The following PRKG1 variants were observed in gnomAD, a reference collection of about 807,000 sequenced individuals.
PRKG1 encodes the protein protein kinase cGMP-dependent 1, also known as cGMP-dependent protein kinase 1.
In PRKG1, 35 loss-of-function variants were observed where a neutral mutation model predicts 88.1. The observed-to-expected ratio is 0.40, with a 90% CI of 0.30 to 0.53. The LOEUF (loss-of-function observed/expected upper bound fraction) is 0.53, where lower values mean the gene tolerates loss of function less well. PRKG1 is among the 20% of genes least tolerant of loss of function. PRKG1 has a pLI of 0.59. For missense variants in PRKG1, 540 were observed against 839.8 expected, an observed-to-expected ratio of 0.64 and a Z score of 4.41; for synonymous variants, 303 against 292.5, an observed-to-expected ratio of 1.04 and a Z score of -0.37.
intron 1 of PRKG1, among the ~76,000 whole-genome samples, chr10:51,000,310 A>G (rs1842875612): frequency 6.6e-6 from 1 of 152,222 alleles, no homozygotes; most frequent in South Asian, 2.1e-4. Flanking sequence ...TGGGAAGATT[A>G]CAAATACATG....
intron 3 of PRKG1, among the ~76,000 whole-genome samples, chr10:51,758,462 G>A (rs970598095): frequency 2.6e-5 from 4 of 152,160 alleles, no homozygotes; most frequent in Non-Finnish European, 4.4e-5. Flanking sequence ...AGTCTAAGAT[G>A]GGATTGAGCA....
At chr10:51,931,765 A>G (rs1564714161) in intron 5 of PRKG1, among the ~76,000 whole-genome samples, 1 of 152,216 alleles carries the variant, frequency 6.6e-6, no homozygotes, top group Non-Finnish European at 1.5e-5. Context: ...ATGATCAACC[A>G]TAGTAAATAA....
At chr10:51,136,640 A>C (rs80281008) in intron 1 of PRKG1, among the ~76,000 whole-genome samples, 2,411 of 151,204 alleles carry the variant, frequency 0.016, 67 homozygotes, top group African/African-American at 0.056. Flanking sequence ...AATACAGGAG[A>C]TATATGGAAA....
At chr10:52,134,193 C>T (rs1239040468) in intron 8 of PRKG1, among the ~76,000 whole-genome samples, 3 of 152,108 alleles carry the variant, frequency 2.0e-5, no homozygotes, top group Non-Finnish European at 4.4e-5. Flanking sequence ...TTAATGAGAA[C>T]ATTTGAGTAA....
At chr10:51,312,313 G>A (rs1285107410) in intron 2 of PRKG1, among the ~76,000 whole-genome samples, 1 of 152,058 alleles carries the variant, frequency 6.6e-6, no homozygotes, top group Non-Finnish European at 1.5e-5. Flanking sequence ...AAAAATAGCT[G>A]GAAAATGAAA....
At chr10:52,038,456 T>C (rs529821200) in intron 5 of PRKG1, among the ~76,000 whole-genome samples, 2 of 150,680 alleles carry the variant, frequency 1.3e-5, no homozygotes, top group South Asian at 2.1e-4. Context: ...CACAGAGATA[T>C]AAGAGGTTGG....
chr10:52,183,124 C>A (rs2132733115), intron 9 of PRKG1, among the ~76,000 whole-genome samples: 1 of 152,322 alleles, frequency 6.6e-6, no homozygotes, highest in East Asian at 1.9e-4. Flanking sequence ...GAGACATCAA[C>A]CTCCATGGCC....
intron 2 of PRKG1, among the ~76,000 whole-genome samples, chr10:51,258,460 C>G (rs1010627713): frequency 2.0e-5 from 3 of 152,164 alleles, no homozygotes; most frequent in Non-Finnish European, 4.4e-5. Context: ...TGATTCAAAG[C>G]TTCTATTTCT....
chr10:52,241,289 G>A (rs1475815316), intron 9 of PRKG1, among the ~76,000 whole-genome samples: 2 of 152,136 alleles, frequency 1.3e-5, no homozygotes, highest in Non-Finnish European at 2.9e-5. Flanking sequence ...GGACGATTGA[G>A]TAGCAAAAAG....
At chr10:51,290,239 C>CA (rs1218713838) in intron 2 of PRKG1, among the ~76,000 whole-genome samples, 4 of 151,202 alleles carry the variant, frequency 2.6e-5, no homozygotes, top group East Asian at 1.9e-4. Flanking sequence ...GATGCTGTCT[C>CA]AAAAAACAAA....
At chr10:51,571,826 A>G (rs1205292927) in intron 3 of PRKG1, among the ~76,000 whole-genome samples, 1 of 151,886 alleles carries the variant, frequency 6.6e-6, no homozygotes, top group Non-Finnish European at 1.5e-5. Flanking sequence ...ATGATGTAAG[A>G]TAGATATATT....
At chr10:51,017,980 A>T (rs923255303) in intron 1 of PRKG1, among the ~76,000 whole-genome samples, 1 of 151,564 alleles carries the variant, frequency 6.6e-6, no homozygotes, top group African/African-American at 2.4e-5. Flanking sequence ...ACATTAAGCT[A>T]ATTATTATTA....
At chr10:51,145,025 T>A (rs78444233) in intron 1 of PRKG1, among the ~76,000 whole-genome samples, 12,944 of 98,478 alleles carry the variant, frequency 0.13, 594 homozygotes, top group Admixed American at 0.15. Flanking sequence ...TCAACAAGCA[T>A]CTTAACAGAA....
intron 4 of PRKG1, among the ~76,000 whole-genome samples, chr10:51,900,825 G>A (rs1175462434): frequency 2.6e-5 from 4 of 151,724 alleles, no homozygotes; most frequent in Admixed American, 6.6e-5. Flanking sequence ...TGGCTAACTC[G>A]GCTTGTAACT....
chr10:51,673,037 A>T (rs1840623184), intron 3 of PRKG1, among the ~76,000 whole-genome samples: 1 of 152,128 alleles, frequency 6.6e-6, no homozygotes, highest in South Asian at 2.1e-4. Flanking sequence ...CAAGACCTGG[A>T]CTGGTTCTTG....
chr10:51,163,709 G>A (rs1358867111), intron 2 of PRKG1, among the ~76,000 whole-genome samples: 3 of 152,142 alleles, frequency 2.0e-5, no homozygotes, highest in South Asian at 4.1e-4. Flanking sequence ...GCGCTTTTCC[G>A]ACGGGCTTAA....
intron 3 of PRKG1, among the ~76,000 whole-genome samples, chr10:51,734,454 G>T (rs1837211987): frequency 6.6e-6 from 1 of 151,772 alleles, no homozygotes; most frequent in African/African-American, 2.4e-5. Flanking sequence ...TATAATACCT[G>T]GCCCAAGAGC....
At chr10:52,293,370 C>G (rs928682720) in intron 17 of PRKG1, among the ~76,000 whole-genome samples, 19 of 151,644 alleles carry the variant, frequency 1.3e-4, no homozygotes, top group South Asian at 2.1e-4. Context: ...CCATCCCCAT[C>G]AAGCTACCAA....
intron 1 of PRKG1, among the ~76,000 whole-genome samples, chr10:51,130,390 TAA>T: frequency 6.6e-6 from 1 of 152,084 alleles, no homozygotes; most frequent in Non-Finnish European, 1.5e-5. Flanking sequence ...GCCTACACAA[TAA>T]AGAGAAACTT....
Sources: allele counts gnomAD v4.1 joint callset (sites outside exome capture counted in the v4.1 genomes callset), GRCh38; gene constraint gnomAD v4.1.1; transcripts MANE v1.5; gene names NCBI Gene and HGNC (gene_info 2026-07-23, HGNC 2026-07-21).